TMEM236: variants seen among roughly 807,000 people sequenced by gnomAD.
The protein encoded by TMEM236 is family with sequence similarity 23, member A.
In TMEM236, 11 loss-of-function variants were observed where a neutral mutation model predicts 14.7. The ratio of observed to expected loss-of-function variants is 0.75; its 90% CI spans 0.47 to 1.24. The LOEUF (loss-of-function observed/expected upper bound fraction) is 1.24. Among genes scored for constraint, TMEM236 ranks in the 50% most tolerant of loss-of-function variants. TMEM236 has a pLI of 0.00. For missense variants in TMEM236, 464 were observed against 427.3 expected, an observed-to-expected ratio of 1.09 and a Z score of -0.76; for synonymous variants, 182 against 168.6, an observed-to-expected ratio of 1.08 and a Z score of -0.62.
intron 3 of TMEM236, among the ~76,000 whole-genome samples, chr10:17,794,268 T>A (rs1467508606): frequency 6.6e-6 from 1 of 152,230 alleles, no homozygotes; most frequent in African/African-American, 2.4e-5. Context: ...CTCTTTGACC[T>A]TTAGAGCTAT....
rs1037906020 is a variant in TMEM236 at position 17,777,465 on chromosome 10, T to G, written c.472+1295T>G. 5.7e-3 allele frequency among the ~76,000 whole-genome samples: 869 copies of G among 152,230 alleles called. 17 individuals carry two copies. The highest frequency in any genetic ancestry group is 0.02 in the African/African-American group (832 of 41,544). ...TGCAAATCTATTTTTAAATATAATT[T>G]TTTTTTCAATTTGAGCTGGGGTCTT... On this transcript the variant is annotated intron_variant, in intron 3 of 3. Transcript: ENST00000377495.
At chr10:17,754,362 C>T (rs1244056861) in intron 1 of TMEM236, among the ~76,000 whole-genome samples, 1 of 151,928 alleles carries the variant, frequency 6.6e-6, no homozygotes, top group Non-Finnish European at 1.5e-5. Flanking sequence ...GCTCTGTTGC[C>T]CAGGTTGGAG....
At chr10:17,790,115 A>G in intron 3 of TMEM236, among the ~76,000 whole-genome samples, 1 of 152,208 alleles carries the variant, frequency 6.6e-6, no homozygotes, top group Non-Finnish European at 1.5e-5. Flanking sequence ...CTGTAGTCCC[A>G]GCTACTTGGG....
At chr10:17,789,564 T>C (rs1367212979) in intron 3 of TMEM236, among the ~76,000 whole-genome samples, 1 of 152,222 alleles carries the variant, frequency 6.6e-6, no homozygotes, top group East Asian at 1.9e-4. Flanking sequence ...TTGTCTTCCC[T>C]ACCTCAGTGA....
intron 3 of TMEM236, among the ~76,000 whole-genome samples, chr10:17,780,404 C>T (rs956743609): frequency 6.6e-5 from 10 of 152,242 alleles, no homozygotes; most frequent in African/African-American, 2.4e-4. Flanking sequence ...ACCTTCAAGA[C>T]TCATTTGAAT....
rs1838023022 is a variant in TMEM236, at chr10:17,796,794, T to C, written c.*290T>C. ...ACTGAGGTCCCCAACCCCTGGACCATGGTCCCAGTACTGGTCCGTGATCTG... is the reference window on the plus strand; with the variant it reads ...ACTGAGGTCCCCAACCCCTGGACCACGGTCCCAGTACTGGTCCGTGATCTG... On this transcript the variant is annotated 3_prime_UTR_variant, in exon 4 of 4. Coordinates refer to ENST00000377495, the MANE Select transcript of TMEM236 (RefSeq NM_001098844.3). The C allele has an allele frequency of 2.4e-6, 1 of 411,088 alleles. No homozygotes were observed. The highest frequency in any genetic ancestry group is 2.0e-5 in the African/African-American group (1 of 48,980). 25.5% of individuals were successfully genotyped at this position (411,088 alleles called of 1,614,324 possible).
chr10:17,779,046 G>A lies in TMEM236; in HGVS notation c.472+2876G>A, dbSNP rs562150053. Among the ~76,000 whole-genome samples the A allele has an allele frequency of 1.1e-4, 17 of 152,128 alleles. No individual in the cohort carries two copies. The East Asian group carries it at 1.2e-3, about 10-fold the overall frequency. Reference sequence around the variant, plus strand: ...TAGCACGGCAGTCTCACAGATGTACGTGGTACCTAGGAATGCCAATCCCCA... The same window carrying A: ...TAGCACGGCAGTCTCACAGATGTACATGGTACCTAGGAATGCCAATCCCCA... On this transcript the variant is annotated intron_variant, in intron 3 of 3. Coordinates refer to ENST00000377495, the MANE Select transcript of TMEM236 (RefSeq NM_001098844.3).
chr10:17,796,496 C>A lies in TMEM236; in HGVS notation c.1048C>A (p.Pro350Thr). 6.2e-7 allele frequency: 1 copy of A among 1,609,918 alleles called. No homozygotes were observed. The highest frequency in any genetic ancestry group is 8.5e-7 in the Non-Finnish European group (1 of 1,176,570). Reference protein sequence around the residue: ...IRIFSAFEMSPF With the variant: ...IRIFSAFEMSTF ...GATTTTTTCTGCCTTTGAAATGTCT[C>A]CATTTTAAAAAGGAAATGGGATCTA... Residue 350 changes from proline (P) to threonine (T), a missense_variant, in exon 4 of 4, where the codon CCA becomes ACA. Transcript: ENST00000377495.
Position 17,798,708 on chromosome 10 carries a change from G to C in TMEM236, c.*2204G>C, listed in dbSNP as rs1838053201. The C allele has an allele frequency of 1.9e-6, 1 of 534,362 alleles. No homozygotes were observed. The highest frequency in any genetic ancestry group is 3.8e-6 in the Non-Finnish European group (1 of 259,868). The allele number at this position is 534,362 out of a possible 1,614,324, so 33.1% of individuals were successfully genotyped here. ...CTTCCAGCTTTCTAATTTGAGGTAG[G>C]TTCTATAACCTCTGTGGGTCCCCGT... On this transcript the variant is annotated 3_prime_UTR_variant, in exon 4 of 4. Transcript: ENST00000377495.
intron 2 of TMEM236, among the ~76,000 whole-genome samples, chr10:17,775,400 G>A (rs1407794418): frequency 1.3e-5 from 2 of 151,968 alleles, no homozygotes; most frequent in Admixed American, 6.6e-5. Context: ...TCAGCCTCTC[G>A]AGTAGCTCGA....
intron 1 of TMEM236, among the ~76,000 whole-genome samples, chr10:17,756,663 G>A (rs1837289289): frequency 6.6e-6 from 1 of 152,146 alleles, no homozygotes; most frequent in Non-Finnish European, 1.5e-5. Flanking sequence ...GAGAGTTTCA[G>A]CAGCTCTCCC....
At position 17,798,813 on chromosome 10, in the gene TMEM236, G is replaced by A. The variant is rs1003142599; in HGVS notation, c.*2309G>A. On this transcript the variant is annotated 3_prime_UTR_variant, in exon 4 of 4. Coordinates refer to ENST00000377495, the MANE Select transcript of TMEM236 (RefSeq NM_001098844.3). Reference sequence around the variant, plus strand: ...GGTTAAAGGGTAAAGAGTCCTTTGAGCACATTTTCTGGCAAACCATAATAA... The same window carrying A: ...GGTTAAAGGGTAAAGAGTCCTTTGAACACATTTTCTGGCAAACCATAATAA... 2.9e-3 allele frequency: 1,196 copies of A among 409,170 alleles called. 9 individuals are homozygous for A. Among genetic ancestry groups the A allele is most frequent in the African/African-American group, 0.023 (1,107 of 47,752 alleles). The allele number at this position is 409,170 out of a possible 1,614,324, so 25.3% of individuals were successfully genotyped here.
At chr10:17,792,334 T>A (rs1393106977) in intron 3 of TMEM236, among the ~76,000 whole-genome samples, 1 of 152,200 alleles carries the variant, frequency 6.6e-6, no homozygotes, top group African/African-American at 2.4e-5. Context: ...GCGATCCCCC[T>A]GTTTCAGCCT....
rs1838013329 is a variant in TMEM236 at position 17,796,265 on chromosome 10, A to C, written c.817A>C (p.Ser273Arg). 1 of 1,613,782 alleles carries C rather than the reference A, an allele frequency of 6.2e-7. No homozygotes were observed. The highest frequency in any genetic ancestry group is 1.7e-5 in the Admixed American group (1 of 59,970). ...SSWLYPVYIF[S>R]FISLLRITFT... ...CTGGCTATACCCAGTCTACATATTC[A>C]GTTTTATTTCTCTCCTTCGAATTAC... Residue 273 changes from serine to arginine, a missense_variant, in exon 4 of 4, where the codon AGT (serine) becomes CGT (arginine). Ser to Arg is a moderately radical substitution (Grantham distance 110). Transcript: ENST00000377495.
At chr10:17,794,133 G>A (rs947461300) in intron 3 of TMEM236, among the ~76,000 whole-genome samples, 110 of 152,194 alleles carry the variant, frequency 7.2e-4, no homozygotes, top group Non-Finnish European at 1.3e-3. Flanking sequence ...AATGTATTGT[G>A]TCCTTTAAAC....
intron 1 of TMEM236, among the ~76,000 whole-genome samples, chr10:17,769,700 C>T (rs896025450): frequency 2.6e-5 from 4 of 152,160 alleles, no homozygotes; most frequent in Admixed American, 6.5e-5. Flanking sequence ...CCAGGTTATA[C>T]TGGGTCTGGC....
At chr10:17,788,661 A>G (rs928461303) in intron 3 of TMEM236, among the ~76,000 whole-genome samples, 25 of 152,338 alleles carry the variant, frequency 1.6e-4, no homozygotes, top group Non-Finnish European at 3.1e-4. Context: ...CTCTGACAAA[A>G]TAATTCTCTT....
rs899649979 is a variant in TMEM236 at position 17,799,445 on chromosome 10, A to C, written c.*2941A>C. ...CACCGTCTGTACTAAAAATACAAAA[A>C]TTAGCTGGGTGTGGTGGCACGCGCC... is the stretch of plus-strand genomic sequence containing the variant. On this transcript the variant is annotated 3_prime_UTR_variant, in exon 4 of 4. Coordinates refer to ENST00000377495, the MANE Select transcript of TMEM236 (RefSeq NM_001098844.3). 70 of 152,296 alleles carry C rather than the reference A, an allele frequency of 4.6e-4. 2 individuals are homozygous for C. Among genetic ancestry groups the C allele is most frequent in the African/African-American group, 1.5e-3 (63 of 41,540 alleles). The allele number at this position is 152,296 out of a possible 1,614,324, so 9.4% of individuals were successfully genotyped here.
intron 3 of TMEM236, among the ~76,000 whole-genome samples, chr10:17,779,048 G>A (rs1304450802): frequency 1.3e-5 from 2 of 152,058 alleles, no homozygotes; most frequent in Admixed American, 6.6e-5. Flanking sequence ...AGATGTACGT[G>A]GTACCTAGGA....
Sources: gnomAD v4.1 joint callset for allele counts (sites outside exome capture counted in the v4.1 genomes callset) on GRCh38, gnomAD v4.1.1 for gene constraint, MANE v1.5 for transcripts, NCBI Gene and HGNC (gene_info 2026-07-23, HGNC 2026-07-21) for gene names.